Variants in SGK3 observed in about 807,000 individuals in gnomAD.
SGK3 encodes the protein serine/threonine-protein kinase Sgk3.
Under a neutral mutation model 68.5 loss-of-function variants are expected in SGK3, and 47 were observed. That is an observed-to-expected ratio of 0.69 (90% CI 0.54 to 0.87). The LOEUF is 0.87. Ranked by LOEUF, SGK3 falls within the 40% of genes least tolerant of loss-of-function variation. SGK3 has a pLI of 0.00. For missense variants in SGK3, 479 were observed against 575.5 expected (o/e 0.83, Z 1.72); for synonymous variants, 181 against 189.1 (o/e 0.96, Z 0.35).
intron 1 of SGK3, among the ~76,000 whole-genome samples, chr8:66,773,153 T>C (rs1337415831): frequency 1.3e-5 from 2 of 152,148 alleles, no homozygotes; most frequent in African/African-American, 2.4e-5. Context: ...ATTCTGTACA[T>C]TGAGGAGACA....
rs569523752 is a variant in SGK3, at chr8:66,800,213, C to A, written c.180+1588C>A. On this transcript the variant is annotated intron_variant, in intron 3 of 16. Transcript: ENST00000521198. Reference sequence around the variant, plus strand: ...AAAATTAGCCAGGCGTGGTGGTGGGCGCCTGTAGTCCCAGCTACTTGGGAG... The same window carrying A: ...AAAATTAGCCAGGCGTGGTGGTGGGAGCCTGTAGTCCCAGCTACTTGGGAG... Among the ~76,000 whole-genome samples the A allele has an allele frequency of 2.2e-3, 336 of 151,318 alleles. 2 individuals carry two copies. The highest frequency in any genetic ancestry group is 3.1e-3 in the Non-Finnish European group (211 of 67,802).
At chr8:66,786,193 A>G (rs761302227) in intron 1 of SGK3, among the ~76,000 whole-genome samples, 1 of 152,176 alleles carries the variant, frequency 6.6e-6, no homozygotes, top group Admixed American at 6.5e-5. Context: ...TTTACTTTTA[A>G]TCACTTAAAA....
At chr8:66,730,765 C>G (rs902390022) in intron 1 of SGK3, among the ~76,000 whole-genome samples, 1 of 152,092 alleles carries the variant, frequency 6.6e-6, no homozygotes, top group African/African-American at 2.4e-5. Context: ...GCAGCCTCCC[C>G]CTCCCATGTT....
intron 7 of SGK3, among the ~76,000 whole-genome samples, chr8:66,828,967 G>GGTGTGTGTGT (rs113679632): frequency 2.3e-4 from 27 of 119,494 alleles, no homozygotes; most frequent in African/African-American, 4.3e-4. Context: ...GTGGGTGGGG[G>GGTGTGTGTGT]GTGTGTGTGT....
intron 1 of SGK3, among the ~76,000 whole-genome samples, chr8:66,740,447 G>A (rs947581071): frequency 1.3e-5 from 2 of 152,084 alleles, no homozygotes; most frequent in African/African-American, 4.8e-5. Flanking sequence ...TTCATTATAT[G>A]TCAGCTTATA....
At chr8:66,794,155 G>T (rs1158526305) in intron 2 of SGK3, among the ~76,000 whole-genome samples, 1 of 152,132 alleles carries the variant, frequency 6.6e-6, no homozygotes, top group Admixed American at 6.5e-5. Context: ...AGGAATTAAT[G>T]GACTCCTGAA....
intron 1 of SGK3, among the ~76,000 whole-genome samples, chr8:66,750,381 C>A (rs942098375): frequency 1.3e-5 from 2 of 152,052 alleles, no homozygotes; most frequent in African/African-American, 4.8e-5. Context: ...TTTGCCCCAG[C>A]CTGAGCCAGG....
intron 1 of SGK3, among the ~76,000 whole-genome samples, chr8:66,740,307 G>A (rs1805441611): frequency 1.3e-5 from 2 of 152,104 alleles, no homozygotes; most frequent in African/African-American, 2.4e-5. Flanking sequence ...ATGTGATTTG[G>A]TTCTATGAAA....
rs1197680981 is a variant in SGK3, at chr8:66,723,110, TATATATATATATATATATA to T, written c.-122+10278_-122+10296del. On this transcript the variant is annotated intron_variant, in intron 1 of 16. Transcript: ENST00000521198. ...TTGTTCATATATATATATATATATATATATATATATATATATATATATTTTTTTTTTTTTTTTTTTTTGT... is the reference window on the plus strand; with the variant it reads ...TTGTTCATATATATATATATATATATTATTTTTTTTTTTTTTTTTTTTTGT... Among the ~76,000 whole-genome samples the T allele has an allele frequency of 6.3e-4, 30 of 47,726 alleles. 1 individual carries two copies. Among genetic ancestry groups the T allele is most frequent in the South Asian group, 2.0e-3 (3 of 1,500 alleles). The allele number at this position is 47,726 out of a possible 152,430, so 31.3% of individuals were successfully genotyped here.
At position 66,821,639 on chromosome 8, in the gene SGK3, A is replaced by G. The variant is rs1039553510; in HGVS notation, c.330-733A>G. 2.0e-5 allele frequency among the ~76,000 whole-genome samples: 3 copies of G among 148,162 alleles called. No individual in the cohort carries two copies. The South Asian group carries it at 6.5e-4, about 32-fold the overall frequency. On this transcript the variant is annotated intron_variant, in intron 5 of 16. Transcript: ENST00000521198. ...ACCATTCTCCTGCCTCAGCCTCCCC[A>G]GTAGCTGGGACTACAGGTGTCCGCC...
chr8:66,803,292 A>G (rs927496687), intron 3 of SGK3, among the ~76,000 whole-genome samples: 2 of 151,994 alleles, frequency 1.3e-5, no homozygotes, highest in African/African-American at 4.8e-5. Flanking sequence ...TGTATTTCCT[A>G]TCAGTTGGCA....
intron 1 of SGK3, among the ~76,000 whole-genome samples, chr8:66,773,516 A>T (rs899308059): frequency 6.6e-6 from 1 of 152,226 alleles, no homozygotes; most frequent in African/African-American, 2.4e-5. Flanking sequence ...CTACAATAAC[A>T]TTTACTCTCT....
At chr8:66,797,207 C>T (rs1024533869) in intron 2 of SGK3, among the ~76,000 whole-genome samples, 11 of 152,260 alleles carry the variant, frequency 7.2e-5, no homozygotes, top group South Asian at 2.1e-4. Context: ...TTCTTCTCAC[C>T]GAGTCAGCAC....
chr8:66,748,516 G>T (rs1283990596), intron 1 of SGK3, among the ~76,000 whole-genome samples: 2 of 152,056 alleles, frequency 1.3e-5, no homozygotes, highest in Non-Finnish European at 2.9e-5. Flanking sequence ...AATATGCTGG[G>T]CTCATCCTGC....
At chr8:66,731,370 G>A (rs1248770493) in intron 1 of SGK3, among the ~76,000 whole-genome samples, 24 of 152,086 alleles carry the variant, frequency 1.6e-4, no homozygotes, top group Admixed American at 1.5e-3. Context: ...ACTTTTCAAA[G>A]CACTATTTTA....
chr8:66,748,511 G>C (rs1366931806), intron 1 of SGK3, among the ~76,000 whole-genome samples: 4 of 152,094 alleles, frequency 2.6e-5, no homozygotes, highest in African/African-American at 7.2e-5. Context: ...CTATTAATAT[G>C]CTGGGCTCAT....
chr8:66,816,238 A>G lies in SGK3; in HGVS notation c.329+2310A>G, dbSNP rs185364917. On this transcript the variant is annotated intron_variant, in intron 5 of 16. Coordinates refer to ENST00000521198, the MANE Select transcript of SGK3 (RefSeq NM_001033578.3). ...AGGATGGTCTTCATCTACTGACCTC[A>G]TGATCTGCCCGCCTTGGCCTCCCAA... Among the ~76,000 whole-genome samples the G allele has an allele frequency of 2.5e-3, 371 of 151,346 alleles. 1 individual carries two copies. The highest frequency in any genetic ancestry group is 6.9e-3 in the Middle Eastern group (2 of 288).
intron 1 of SGK3, among the ~76,000 whole-genome samples, chr8:66,714,684 C>T (rs1309799929): frequency 4.6e-5 from 7 of 152,140 alleles, no homozygotes; most frequent in Admixed American, 3.3e-4. Context: ...TCAGTTTAGT[C>T]GGATGACCCC....
Position 66,850,889 on chromosome 8 carries a change from A to T in SGK3, c.1289A>T (p.Lys430Met), listed in dbSNP as rs1810254598. ...CTCAGCTGGGCTGACCTTGTACAAA[A>T]GAAGATTCCACCACCATTTAATCCT... is the stretch of plus-strand genomic sequence containing the variant. ...ESLSWADLVQ[K>M]KIPPPFNPNV... Residue 430 changes from lysine to methionine, a missense_variant, in exon 16 of 17, where the codon AAG (lysine) becomes ATG (methionine). Coordinates refer to ENST00000521198, the MANE Select transcript of SGK3 (RefSeq NM_001033578.3). The T allele has an allele frequency of 1.2e-6, 2 of 1,611,802 alleles. No individual in the cohort carries two copies. The highest frequency in any genetic ancestry group is 2.7e-5 in the African/African-American group (2 of 74,898).
Sources: allele counts gnomAD v4.1 joint callset (sites outside exome capture counted in the v4.1 genomes callset), GRCh38; gene constraint gnomAD v4.1.1; transcripts MANE v1.5; gene names NCBI Gene and HGNC (gene_info 2026-07-23, HGNC 2026-07-21).